Variants in SMIM29 observed in about 807,000 individuals in gnomAD.
SMIM29 encodes uncharacterized protein C6orf1.
SMIM29 carries 4 observed loss-of-function variants against 12.9 expected under a neutral mutation model. The observed-to-expected ratio is 0.31, with a 90% confidence interval of 0.15 to 0.71. The LOEUF (loss-of-function observed/expected upper bound fraction) is 0.71, where lower values mean the gene tolerates loss of function less well. SMIM29 is among the 30% of genes least tolerant of loss of function. The pLI, the probability that SMIM29 is intolerant of heterozygous loss-of-function variation, is 0.70. For synonymous variants in SMIM29, 50 were observed against 52.0 expected (o/e 0.96, Z 0.17); for missense variants, 122 against 138.1 (o/e 0.88, Z 0.58).
rs370967393 is a variant in SMIM29, at chr6:34,247,071, C to G, written c.216G>C (p.Glu72Asp). ...TGGGGTCTCCCATGTCAGAGAGCAG[C>G]TCCTGCTCAGCCTCATGCAGTTCCT... ...PAEELHEAEQ[E>D]LLSDMGDPKV... Residue 72 changes from glutamate to aspartate, a missense_variant, in exon 4 of 5, where the codon GAG becomes GAC. Physicochemically the swap from Glu to Asp is conservative, Grantham distance 45. Transcript: ENST00000476320. The G allele has an allele frequency of 1.7e-5, 27 of 1,614,028 alleles. No individual in the cohort carries two copies. The African/African-American group carries it at 3.2e-4, about 19-fold the overall frequency.
Position 34,246,811 on chromosome 6 carries a change from T to G in SMIM29, c.301A>C (p.Lys101Gln). The G allele has an allele frequency of 6.2e-7, 1 of 1,612,774 alleles. No homozygotes were observed. Among genetic ancestry groups the G allele is most frequent in the Non-Finnish European group, 8.5e-7 (1 of 1,179,882 alleles). The change falls in exon 5 of 5, where the codon AAG becomes CAG. Residue 101 changes from lysine (K) to glutamine (Q), a missense_variant. Coordinates refer to ENST00000476320, the MANE Select transcript of SMIM29 (RefSeq NM_001008703.4). ...GGGGCAAGGGGGTCAGGTCACGTCTTGACATCCAGCAGTGGCATCCGCTTG... is the reference window on the plus strand; with the variant it reads ...GGGGCAAGGGGGTCAGGTCACGTCTGGACATCCAGCAGTGGCATCCGCTTG... ...QHKRMPLLDVKT is the reference protein window; with the variant it reads ...QHKRMPLLDVQT
Position 34,246,580 on chromosome 6 carries a change from CT to C in SMIM29, c.*222del. On this transcript the variant is annotated 3_prime_UTR_variant, in exon 5 of 5. Transcript: ENST00000476320. ...AAGGAAAGCCTCTTCCCATGAGTGC[CT>C]GTGGGTGGGCGGTGAGCTCAACACC... 6.2e-7 allele frequency: 1 copy of C among 1,607,438 alleles called. No individual in the cohort carries two copies. Among genetic ancestry groups the C allele is most frequent in the Admixed American group, 1.7e-5 (1 of 59,750 alleles).
Position 34,246,856 on chromosome 6 carries a change from A to G in SMIM29, c.256T>C (p.Trp86Arg). The stretch of plus-strand genomic sequence containing the variant: ...CGCTTGTGCTGGTAGCCACTCTGCC[A>G]GCCATGTACCACCTGTCGGGGAGGA... Reference protein sequence around the residue: ...DMGDPKVVHGWQSGYQHKRMP... With the variant: ...DMGDPKVVHGRQSGYQHKRMP... Residue 86 changes from tryptophan to arginine, a missense_variant, in exon 5 of 5, where the codon TGG becomes CGG. Trp to Arg is a moderately radical substitution (Grantham distance 101). Transcript: ENST00000476320. 2 of 1,609,136 alleles carry G rather than the reference A, an allele frequency of 1.2e-6. No homozygotes were observed. The highest frequency in any genetic ancestry group is 8.5e-7 in the Non-Finnish European group (1 of 1,177,104).
At chr6:34,247,273 A>C in intron 3 of SMIM29, 124 bp from the exon 4 acceptor site, 2 of 1,567,402 alleles carry the variant, frequency 1.3e-6, no homozygotes, top group Non-Finnish European at 1.7e-6. Flanking sequence ...GGGACACACT[A>C]TACCTCCAAG....
intron 1 of SMIM29, chr6:34,248,430 G>A (rs1762892218): frequency 8.1e-6 from 8 of 985,044 alleles, no homozygotes; most frequent in Non-Finnish European, 8.4e-6. Context: ...CATCTGTCTC[G>A]TGTGCCAGGG....
In SMIM29 at chr6:34,248,842, G is replaced by A. The variant is rs1219802591; in HGVS notation, c.-74+137C>T. 27 of 985,592 alleles carry A rather than the reference G, an allele frequency of 2.7e-5. 2 individuals carry two copies. In the South Asian group the frequency reaches 1.1e-3, roughly 41 times the overall value. 61.1% of individuals were successfully genotyped at this position (985,592 alleles called of 1,614,324 possible). A position where few individuals can be genotyped will look rare whatever the true frequency, so the allele number is the denominator to read the frequency against. On this transcript the variant is annotated intron_variant, in intron 1 of 4. Coordinates refer to ENST00000476320, the MANE Select transcript of SMIM29 (RefSeq NM_001008703.4). Reference sequence around the variant, plus strand: ...GACAGGAGGTGGTTCCCACGGCGCTGGGAGGCTCAGGCCGGAGGTGGGGGT... The same window carrying A: ...GACAGGAGGTGGTTCCCACGGCGCTAGGAGGCTCAGGCCGGAGGTGGGGGT...
chr6:34,247,916 CTG>C (rs1762869897), intron 1 of SMIM29, 52 bp from the exon 2 acceptor site: 5 of 1,240,226 alleles, frequency 4.0e-6, no homozygotes, highest in Non-Finnish European at 3.0e-6. Flanking sequence ...CATCCAGACT[CTG>C]GATCCCTCCC....
rs923900154 is a variant in SMIM29, at chr6:34,247,764, G to T, written c.28C>A (p.Pro10Thr). Residue 10 changes from proline (P) to threonine (T), a missense_variant, in exon 2 of 5, where the codon CCC becomes ACC. Transcript: ENST00000476320. ...ACCATGGAGTCGCTGTTGGCCTGGG[G>T]GGCATTGGGCACAGTGGTGTTACTC... MSNTTVPNA[P>T]QANSDSMVGY... 7.4e-7 allele frequency: 1 copy of T among 1,355,170 alleles called. No individual in the cohort carries two copies. Among genetic ancestry groups the T allele is most frequent in the Non-Finnish European group, 9.4e-7 (1 of 1,059,666 alleles). The allele number at this position is 1,355,170 out of a possible 1,614,324, so 83.9% of individuals were successfully genotyped here.
In SMIM29 at chr6:34,246,700, C is replaced by T. The variant is rs2127550989; in HGVS notation, c.*103G>A. 4 of 1,613,758 alleles carry T rather than the reference C, an allele frequency of 2.5e-6. No homozygotes were observed. The African/African-American group carries it at 5.3e-5, about 22-fold the overall frequency. The stretch of plus-strand genomic sequence containing the variant: ...GTGGGTGGAGGGAGAAATGGAGACC[C>T]AGCACCCAGCAGGGGGAGCCAGGTG... On this transcript the variant is annotated 3_prime_UTR_variant, in exon 5 of 5. Transcript: ENST00000476320.
At chr6:34,248,347 G>A in intron 1 of SMIM29, 1 of 985,460 alleles carries the variant, frequency 1.0e-6, no homozygotes, top group East Asian at 1.1e-4. Flanking sequence ...TTCAAGCGAT[G>A]GGCTCCATGC....
chr6:34,247,177 A>C, intron 3 of SMIM29, 28 bp from the exon 4 acceptor site: 1 of 1,611,852 alleles, frequency 6.2e-7, no homozygotes, highest in African/African-American at 1.3e-5. Context: ...GGACTCAGCT[A>C]GGAGGTCCCC....
chr6:34,247,191 A>G (rs762550499), intron 3 of SMIM29, 42 bp from the exon 4 acceptor site: 30 of 1,596,200 alleles, frequency 1.9e-5, no homozygotes, highest in South Asian at 2.2e-5. Context: ...GGTCCCCCCA[A>G]CCCTCATCAA....
chr6:34,246,977 G>A (rs559657962), intron 4 of SMIM29, 67 bp downstream of exon 4: 62 of 1,611,254 alleles, frequency 3.8e-5, no homozygotes, highest in Middle Eastern at 1.7e-4. Context: ...CAGTGTGGAC[G>A]AGTATGGCTG....
intron 1 of SMIM29, chr6:34,248,744 G>C: frequency 1.0e-6 from 1 of 985,548 alleles, no homozygotes; most frequent in Non-Finnish European, 1.2e-6. Context: ...TATGCTCATC[G>C]TCCCAGGTCA....
Position 34,247,166 on chromosome 6 carries a change from G to A in SMIM29, c.138-17C>T. The stretch of plus-strand genomic sequence containing the variant: ...CGGTCCACCCTGGGGAGCAGGGGAG[G>A]GGACTCAGCTAGGAGGTCCCCCCAA... On this transcript the variant is annotated splice_polypyrimidine_tract_variant and intron_variant, in intron 3 of 4. Coordinates refer to ENST00000476320, the MANE Select transcript of SMIM29 (RefSeq NM_001008703.4). 6.2e-7 allele frequency: 1 copy of A among 1,613,910 alleles called. No homozygotes were observed. The highest frequency in any genetic ancestry group is 8.5e-7 in the Non-Finnish European group (1 of 1,179,986).
rs181266984 is a variant in SMIM29 at position 34,247,358 on chromosome 6, G to C, written c.137+109C>G. 7,292 of 1,520,286 alleles carry C rather than the reference G, an allele frequency of 4.8e-3. 55 individuals carry two copies. Among genetic ancestry groups the C allele is most frequent in the Middle Eastern group, 9.0e-3 (53 of 5,916 alleles). 94.2% of individuals were successfully genotyped at this position (1,520,286 alleles called of 1,614,324 possible). A position where few individuals can be genotyped will look rare whatever the true frequency, so the allele number is the denominator to read the frequency against. ...GCTGGGGCAGGGAAAACAAATTTCA[G>C]GCTTGTATCAGGATGGCTGAGGGAC... is the stretch of plus-strand genomic sequence containing the variant. On this transcript the variant is annotated intron_variant, in intron 3 of 4. Coordinates refer to ENST00000476320, the MANE Select transcript of SMIM29 (RefSeq NM_001008703.4).
intron 3 of SMIM29, 136 bp downstream of exon 3, chr6:34,247,331 A>G: frequency 6.6e-7 from 1 of 1,523,052 alleles, no homozygotes; most frequent in Non-Finnish European, 8.9e-7. Context: ...GAGTAACCTG[A>G]GGCTGGGGCA....
chr6:34,246,732 G>C lies in SMIM29; in HGVS notation c.*71C>G, dbSNP rs768408625. The stretch of plus-strand genomic sequence containing the variant: ...CAGCAGGGGGAGCCAGGTGACAGCA[G>C]GGGAAGCAGATGGCAGGGCCCCAGG... On this transcript the variant is annotated 3_prime_UTR_variant, in exon 5 of 5. Transcript: ENST00000476320. 1.2e-6 allele frequency: 2 copies of C among 1,613,790 alleles called. No individual in the cohort carries two copies. Among genetic ancestry groups the C allele is most frequent in the East Asian group, 2.2e-5 (1 of 44,892 alleles).
rs1439239941 is a variant in SMIM29 at position 34,246,518 on chromosome 6, A to G, written c.*285T>C. On this transcript the variant is annotated 3_prime_UTR_variant, in exon 5 of 5. Coordinates refer to ENST00000476320, the MANE Select transcript of SMIM29 (RefSeq NM_001008703.4). ...CCCAAGCCCAGCCCAGGAGGGCTAGAGAAAGCAAAGGTGTCTACCAGCCGC... is the reference window on the plus strand; with the variant it reads ...CCCAAGCCCAGCCCAGGAGGGCTAGGGAAAGCAAAGGTGTCTACCAGCCGC... 6.5e-7 allele frequency: 1 copy of G among 1,545,164 alleles called. No homozygotes were observed. The highest frequency in any genetic ancestry group is 8.7e-7 in the Non-Finnish European group (1 of 1,145,102).
Sources: allele counts gnomAD v4.1 joint callset, GRCh38; gene constraint gnomAD v4.1.1; transcripts MANE v1.5; gene names NCBI Gene and HGNC (gene_info 2026-07-23, HGNC 2026-07-21).